The following PCBP3 variants were observed in gnomAD, a reference collection of about 807,000 sequenced individuals.
PCBP3 encodes poly(rC)-binding protein 3.
PCBP3 carries 25 observed loss-of-function variants against 52.7 expected under a neutral mutation model. The ratio of observed to expected loss-of-function variants is 0.47; its 90% CI spans 0.35 to 0.66. The LOEUF (loss-of-function observed/expected upper bound fraction) is 0.66, where lower values mean the gene tolerates loss of function less well. Among genes scored for constraint, PCBP3 ranks in the 30% least tolerant of loss-of-function variants. The pLI is 0.01. For missense variants in PCBP3, 391 were observed against 490.3 expected, an observed-to-expected ratio of 0.80 and a Z score of 1.91; for synonymous variants, 162 against 183.0, an observed-to-expected ratio of 0.89 and a Z score of 0.93.
intron 4 of PCBP3, among the ~76,000 whole-genome samples, chr21:45,814,156 G>A (rs1006527751): frequency 4.3e-4 from 65 of 152,334 alleles, no homozygotes; most frequent in African/African-American, 1.4e-3. Flanking sequence ...TAAACACTTC[G>A]AAACATAGAA....
rs935833600 is a variant in PCBP3, at chr21:45,854,784, G to A, written c.10+4689G>A. On this transcript the variant is annotated intron_variant, in intron 5 of 17. Transcript: ENST00000681687. ...TCCCTCTTGGATTGTTCACTGTGAG[G>A]AGAAGATGCTCTTTGATGAGACTGA... Among the ~76,000 whole-genome samples, 3 of 152,316 alleles carry A rather than the reference G, an allele frequency of 2.0e-5. 1 individual carries two copies.
intron 14 of PCBP3, 79 bp downstream of exon 14, chr21:45,930,074 A>G (rs1041779921): frequency 2.1e-6 from 2 of 952,184 alleles, no homozygotes; most frequent in Non-Finnish European, 3.3e-6. Context: ...TATTCGGTGC[A>G]GTGCATAGAA....
chr21:45,896,326 T>C lies in PCBP3; in HGVS notation c.129T>C (p.Asn43=), dbSNP rs370526643. The C allele has an allele frequency of 3.1e-4, 485 of 1,552,086 alleles. No individual in the cohort carries two copies. In the Middle Eastern group the frequency reaches 3.7e-3, roughly 12 times the overall value. ...CCAAGGTCTCAGAAGGTGGCCTGAATGTGACCCTCACCATCCGCCTGCTGA... is the reference window on the plus strand; with the variant it reads ...CCAAGGTCTCAGAAGGTGGCCTGAACGTGACCCTCACCATCCGCCTGCTGA... The part of the protein sequence containing the change: ...MESKVSEGGL[N]VTLTIRLLMH... The change falls in exon 6 of 18, where the codon AAT becomes AAC. Residue 43 remains asparagine, a synonymous_variant. Transcript: ENST00000681687.
intron 4 of PCBP3, among the ~76,000 whole-genome samples, chr21:45,790,467 G>C (rs188562176): frequency 6.6e-6 from 1 of 152,186 alleles, no homozygotes; most frequent in African/African-American, 2.4e-5. Flanking sequence ...ACCCAGGAGA[G>C]GTGGACTTGT....
intron 1 of PCBP3, among the ~76,000 whole-genome samples, chr21:45,644,111 C>A (rs1431951513): frequency 6.6e-6 from 1 of 151,276 alleles, no homozygotes; most frequent in East Asian, 1.9e-4. Flanking sequence ...CTGGCCCGCC[C>A]GCCTCCGCCC....
intron 5 of PCBP3, chr21:45,872,886 A>T (rs1035768738): frequency 6.6e-6 from 1 of 152,202 alleles, no homozygotes; most frequent in East Asian, 1.9e-4. Flanking sequence ...AATCCCATTA[A>T]GATATTGTCT....
chr21:45,705,075 G>A (rs1382801444), intron 2 of PCBP3, among the ~76,000 whole-genome samples: 1 of 152,174 alleles, frequency 6.6e-6, no homozygotes, highest in Non-Finnish European at 1.5e-5. Flanking sequence ...GGGCCCAGCC[G>A]GAAGGCCCTT....
chr21:45,812,742 T>G (rs2092718364), intron 4 of PCBP3, among the ~76,000 whole-genome samples: 1 of 152,218 alleles, frequency 6.6e-6, no homozygotes, highest in Non-Finnish European at 1.5e-5. Flanking sequence ...CTCTCCATTT[T>G]TATTGATTGA....
At position 45,817,885 on chromosome 21, in the gene PCBP3, T is replaced by C. The variant is rs1171735487; in HGVS notation, c.-125-32076T>C. Among the ~76,000 whole-genome samples the C allele has an allele frequency of 6.6e-6, 1 of 152,214 alleles. No individual in the cohort carries two copies. The highest frequency in any genetic ancestry group is 1.5e-5 in the Non-Finnish European group (1 of 68,038). On this transcript the variant is annotated intron_variant, in intron 4 of 17. Transcript: ENST00000681687. This position sits in a 1 kb window ranked among gnomAD's most constrained non-coding sequence, Gnocchi z 4.3. ...TGAAAAGTTAATAGTCTTTATGTTT[T>C]AGGGCAATTGTATTCTACAATACAG... is the stretch of plus-strand genomic sequence containing the variant.
intron 4 of PCBP3, among the ~76,000 whole-genome samples, chr21:45,768,092 T>C (rs1040658546): frequency 6.6e-6 from 1 of 152,276 alleles, no homozygotes; most frequent in African/African-American, 2.4e-5. Context: ...GGTGGCTGGC[T>C]GCTTCCCTCC....
chr21:45,644,149 G>A (rs909884875), intron 1 of PCBP3, among the ~76,000 whole-genome samples: 2 of 151,398 alleles, frequency 1.3e-5, no homozygotes, highest in African/African-American at 4.8e-5. Context: ...GTTGCGGCGG[G>A]AAGCCGAGAA....
intron 2 of PCBP3, among the ~76,000 whole-genome samples, chr21:45,678,305 CAAAA>C (rs201979527): frequency 1.5e-5 from 2 of 132,306 alleles, no homozygotes; most frequent in Non-Finnish European, 3.3e-5. Context: ...GACTCCATCT[CAAAA>C]AAAAAAAAAA....
intron 4 of PCBP3, among the ~76,000 whole-genome samples, chr21:45,831,963 G>A (rs2093461619): frequency 6.6e-6 from 1 of 152,176 alleles, no homozygotes; most frequent in Admixed American, 6.5e-5. Flanking sequence ...CTACCACCTC[G>A]GCCTCCCAAA....
At chr21:45,940,541 A>G (rs888395881) in intron 17 of PCBP3, among the ~76,000 whole-genome samples, 2 of 152,258 alleles carry the variant, frequency 1.3e-5, no homozygotes, top group African/African-American at 2.4e-5. Context: ...GTCTCCAGAA[A>G]GACCAATGTT....
chr21:45,876,126 C>T (rs1464989700), intron 5 of PCBP3, among the ~76,000 whole-genome samples: 1 of 152,194 alleles, frequency 6.6e-6, no homozygotes, highest in Non-Finnish European at 1.5e-5. Context: ...AGCACCAGGG[C>T]ACCGATGGAG....
intron 5 of PCBP3, among the ~76,000 whole-genome samples, chr21:45,863,322 C>T (rs943811734): frequency 6.6e-6 from 1 of 152,212 alleles, no homozygotes; most frequent in Non-Finnish European, 1.5e-5. Context: ...GGCAGACTGG[C>T]GGCAGCAGCA....
chr21:45,895,054 G>A (rs1054793557), intron 5 of PCBP3, among the ~76,000 whole-genome samples: 8 of 152,328 alleles, frequency 5.3e-5, no homozygotes, highest in East Asian at 3.9e-4. Context: ...TGTAGACAGC[G>A]TGTCACTTTG....
chr21:45,828,270 C>T (rs756907998), intron 4 of PCBP3: 1 of 152,212 alleles, frequency 6.6e-6, no homozygotes, highest in Non-Finnish European at 1.5e-5. Context: ...CCAGCTTTCC[C>T]CATGCAAAAT....
intron 4 of PCBP3, among the ~76,000 whole-genome samples, chr21:45,815,211 A>C (rs1215279713): frequency 2.8e-5 from 1 of 36,096 alleles, no homozygotes; most frequent in African/African-American, 1.5e-4. Context: ...GTGAGTGATG[A>C]GTGAGTGGTG....
Sources: allele counts gnomAD v4.1 joint callset (sites outside exome capture counted in the v4.1 genomes callset), GRCh38; gene constraint gnomAD v4.1.1; non-coding constraint Gnocchi (gnomAD v3.1); transcripts MANE v1.5; gene names NCBI Gene and HGNC (gene_info 2026-07-23, HGNC 2026-07-21).